The following MYLK3 variants were observed in gnomAD, a reference collection of about 807,000 sequenced individuals.
MYLK3 encodes the protein myosin light chain kinase 3.
A neutral mutation model predicts 76.3 loss-of-function variants in MYLK3; 55 were observed. The ratio of observed to expected loss-of-function variants is 0.72; its 90% CI spans 0.58 to 0.90. MYLK3 has a LOEUF of 0.90. MYLK3 is among the 40% of genes least tolerant of loss of function. The pLI is 0.00. For synonymous variants in MYLK3, 416 were observed against 425.4 expected (o/e 0.98, Z 0.27); for missense variants, 973 against 1,053.6 (o/e 0.92, Z 1.06).
chr16:46,728,246 G>A (rs1398415765), intron 7 of MYLK3, among the ~76,000 whole-genome samples: 2 of 152,138 alleles, frequency 1.3e-5, no homozygotes, highest in Admixed American at 1.3e-4. Flanking sequence ...TGGGGATTGT[G>A]GCAAAGGAAG....
chr16:46,755,285 G>A (rs575623279), intron 1 of MYLK3, among the ~76,000 whole-genome samples: 3 of 151,934 alleles, frequency 2.0e-5, no homozygotes, highest in African/African-American at 7.2e-5. Flanking sequence ...GTGAAACCCC[G>A]TCTCTACTAA....
At chr16:46,713,559 A>G (rs903694134) in intron 9 of MYLK3, among the ~76,000 whole-genome samples, 2 of 152,220 alleles carry the variant, frequency 1.3e-5, no homozygotes, top group Admixed American at 6.5e-5. Context: ...GCTAATTAAC[A>G]TAAGTATTAC....
chr16:46,746,445 G>A (rs1019663907), intron 1 of MYLK3, among the ~76,000 whole-genome samples: 1 of 152,034 alleles, frequency 6.6e-6, no homozygotes, highest in Admixed American at 6.6e-5. Context: ...TTAAGAGACA[G>A]GGCCTCACTC....
rs868643086 is a variant in MYLK3 at position 46,704,842 on chromosome 16, T to C, written c.*2862A>G. 3.3e-5 allele frequency: 5 copies of C among 152,330 alleles called. No homozygotes were observed. The highest frequency in any genetic ancestry group is 3.4e-3 in the Middle Eastern group (1 of 294). 9.4% of individuals were successfully genotyped at this position (152,330 alleles called of 1,614,324 possible). A position where few individuals can be genotyped will look rare whatever the true frequency, so the allele number is the denominator to read the frequency against. Reference sequence around the variant, plus strand: ...CAGGGTATGAACCACAATAGAACTATAAAATATACTCTCTAGCTCCTTCTG... The same window carrying C: ...CAGGGTATGAACCACAATAGAACTACAAAATATACTCTCTAGCTCCTTCTG... On this transcript the variant is annotated 3_prime_UTR_variant, in exon 13 of 13. Transcript: ENST00000394809.
At chr16:46,746,832 CTGAAGGAG>C (rs1967033552) in intron 1 of MYLK3, among the ~76,000 whole-genome samples, 1 of 152,068 alleles carries the variant, frequency 6.6e-6, no homozygotes, top group Non-Finnish European at 1.5e-5. Flanking sequence ...AGGGGCAGCT[CTGAAGGAG>C]CTGCAGGGCA....
At chr16:46,748,454 G>T, upstream of MYLK3, 1 of 515,276 alleles carries the variant, frequency 1.9e-6, no homozygotes, top group Admixed American at 3.8e-5. The surrounding 1 kb of genome is among the most constrained non-coding windows in gnomAD (Gnocchi z 4.3). Flanking sequence ...TCTCCTTGGG[G>T]CCCCTTTGAC....
intron 8 of MYLK3, among the ~76,000 whole-genome samples, chr16:46,723,627 A>G (rs1447789098): frequency 2.1e-5 from 3 of 145,730 alleles, no homozygotes; most frequent in African/African-American, 5.0e-5. Flanking sequence ...GAGGGTTCCA[A>G]TTTTCCCATA....
chr16:46,709,730 A>C, intron 11 of MYLK3, 59 bp from the exon 12 acceptor site: 1 of 1,586,382 alleles, frequency 6.3e-7, no homozygotes, highest in Non-Finnish European at 8.6e-7. Context: ...TCATCCAAAA[A>C]TCTGTTCACT....
At chr16:46,727,210 T>G in intron 8 of MYLK3, 26 bp downstream of exon 8, 1 of 1,606,696 alleles carries the variant, frequency 6.2e-7, no homozygotes, top group Non-Finnish European at 8.5e-7. Flanking sequence ...CAGGGGCCCC[T>G]ACCGCATGCC....
chr16:46,725,059 T>C (rs71380966), intron 8 of MYLK3, among the ~76,000 whole-genome samples: 1 of 152,218 alleles, frequency 6.6e-6, no homozygotes, highest in South Asian at 2.1e-4. Flanking sequence ...TTTGATATTG[T>C]CATAAATGAA....
At chr16:46,742,447 A>ACACACACACACACACACACACACAC (rs1555471290) in intron 1 of MYLK3, among the ~76,000 whole-genome samples, 3 of 131,186 alleles carry the variant, frequency 2.3e-5, no homozygotes, top group Admixed American at 1.6e-4. Context: ...TCCCAGCAAA[A>ACACACACACACACACACACACACAC]ACACACACAC....
chr16:46,721,140 G>A lies in MYLK3; in HGVS notation c.1968C>T (p.Asp656=). The change falls in exon 9 of 13, where the codon GAC becomes GAT. Residue 656 remains aspartate, a synonymous_variant. Transcript: ENST00000394809. The stretch of plus-strand genomic sequence containing the variant: ...CCCCTTACCTTCTGGCCAGCCCAAA[G>A]TCAATGATCTTAATTTGATGTCCTG... The part of the protein sequence containing the change: ...NQTGHQIKII[D]FGLARRYKPR... The A allele has an allele frequency of 6.2e-7, 1 of 1,614,182 alleles. No individual in the cohort carries two copies. The highest frequency in any genetic ancestry group is 8.5e-7 in the Non-Finnish European group (1 of 1,180,010).
chr16:46,758,714 T>C (rs1378527307), intron 1 of MYLK3, among the ~76,000 whole-genome samples: 2 of 152,190 alleles, frequency 1.3e-5, no homozygotes, highest in Admixed American at 6.5e-5. Flanking sequence ...AGGGGCTTTC[T>C]GAAGGTCACA....
chr16:46,747,802 G>A lies in MYLK3; in HGVS notation c.392C>T (p.Thr131Met), dbSNP rs565297078. Reference sequence around the variant, plus strand: ...ATCCGCCACCTTTGATTTCTGGAACGTGGCCCCCACCAAAGCGATGGCCCT... The same window carrying A: ...ATCCGCCACCTTTGATTTCTGGAACATGGCCCCCACCAAAGCGATGGCCCT... The part of the protein sequence containing the change: ...VDRAIALVGA[T>M]FQKSKVADFL... The change falls in exon 1 of 13, where the codon ACG (threonine) becomes ATG (methionine). Residue 131 changes from threonine (T) to methionine (M), a missense_variant. Thr to Met is a moderately conservative substitution (Grantham distance 81). Transcript: ENST00000394809. The A allele has an allele frequency of 5.6e-6, 9 of 1,614,222 alleles. No individual in the cohort carries two copies. Among genetic ancestry groups the A allele is most frequent in the East Asian group, 2.2e-5 (1 of 44,894 alleles).
At chr16:46,761,911 GA>G (rs11309990) in intron 1 of MYLK3, among the ~76,000 whole-genome samples, 138,974 of 142,832 alleles carry the variant, frequency 0.97, 67,624 homozygotes, top group East Asian at 1. Context: ...CTGCTAGCAT[GA>G]AAAAAAAAAA....
rs267604552 is a variant in MYLK3, at chr16:46,738,130, C to T, written c.582G>A (p.Ala194=). 2.3e-4 allele frequency: 350 copies of T among 1,538,260 alleles called. No individual in the cohort carries two copies. The highest frequency in any genetic ancestry group is 2.9e-4 in the Non-Finnish European group (333 of 1,144,606). The change falls in exon 3 of 13, where the codon GCG becomes GCA. Residue 194 remains alanine, a synonymous_variant. Transcript: ENST00000394809. ...AREPGEESQK[A]DVLEGTAERL... ...TCTCCGCTGTCCCCTCCAGCACGTC[C>T]GCCTTCTGGCTCTCTACAGGAAAAC...
At chr16:46,742,417 G>A (rs1436924108) in intron 1 of MYLK3, among the ~76,000 whole-genome samples, 11 of 146,670 alleles carry the variant, frequency 7.5e-5, no homozygotes, top group East Asian at 2.1e-4. Context: ...TTAGCCAGGC[G>A]TGGTGACAGG....
At chr16:46,740,190 T>C (rs756816229) in intron 1 of MYLK3, 43 bp from the exon 2 acceptor site, 3 of 1,530,896 alleles carry the variant, frequency 2.0e-6, no homozygotes, top group Non-Finnish European at 2.7e-6. Flanking sequence ...ATCATCAACA[T>C]TGCCATTCAG....
chr16:46,730,826 C>A (rs1324568336), intron 4 of MYLK3, 128 bp from the exon 5 acceptor site: 3 of 745,024 alleles, frequency 4.0e-6, no homozygotes, highest in Non-Finnish European at 6.9e-6. Context: ...TATTTGAAAC[C>A]TTTTCTCCAA....
Sources: allele counts gnomAD v4.1 joint callset (sites outside exome capture counted in the v4.1 genomes callset), GRCh38; gene constraint gnomAD v4.1.1; non-coding constraint Gnocchi (gnomAD v3.1); transcripts MANE v1.5; gene names NCBI Gene and HGNC (gene_info 2026-07-23, HGNC 2026-07-21).